The following SPMIP1 variants were observed in gnomAD, a reference collection of about 807,000 sequenced individuals.
SPMIP1 encodes protein SPMIP1.
chr7:128,870,523 C>CCT, the SPMIP1 span: 50,647 of 152,066 alleles, frequency 0.33, 11,032 homozygotes, highest in African/African-American at 0.61. Context: ...TGAGGGTCCT[C>CCT]CTCTCAGACT....
the SPMIP1 span, among the ~76,000 whole-genome samples, chr7:128,868,335 C>T: frequency 3.9e-5 from 6 of 152,194 alleles, no homozygotes; most frequent in African/African-American, 1.2e-4. Flanking sequence ...AAGCAGGAGG[C>T]GAGCCCTAGA....
chr7:128,866,489 G>C, the SPMIP1 span: 10 of 1,536,028 alleles, frequency 6.5e-6, no homozygotes, highest in South Asian at 1.1e-4. Flanking sequence ...ATGTTGCGCT[G>C]TGAATGGTAC....
chr7:128,867,817 G>A, the SPMIP1 span, among the ~76,000 whole-genome samples: 4,001 of 152,246 alleles, frequency 0.026, 105 homozygotes, highest in Middle Eastern at 0.037. Context: ...TAATCTGCCT[G>A]TCTCGGCCTC....
the SPMIP1 span, chr7:128,870,086 G>C: frequency 6.6e-6 from 1 of 152,288 alleles, no homozygotes; most frequent in South Asian, 2.1e-4. Context: ...TGCCACCGCC[G>C]GTGCCGACCT....
chr7:128,868,579 C>A, the SPMIP1 span: 1 of 787,266 alleles, frequency 1.3e-6, no homozygotes, highest in Non-Finnish European at 2.0e-6. Context: ...TGACGGATTC[C>A]TAGGGCTGTG....
the SPMIP1 span, chr7:128,866,348 T>G: frequency 4.8e-5 from 65 of 1,350,030 alleles, no homozygotes; most frequent in Non-Finnish European, 5.7e-5. Flanking sequence ...TCAGAAGCAC[T>G]CTGCTTGCTG....
the SPMIP1 span, chr7:128,866,596 T>TCCCCC: frequency 8.1e-7 from 1 of 1,240,146 alleles, no homozygotes; most frequent in Non-Finnish European, 1.1e-6. Flanking sequence ...AGCCCCACTC[T>TCCCCC]CACCCCCACC....
chr7:128,870,432 T>C, the SPMIP1 span: 1 of 152,358 alleles, frequency 6.6e-6, no homozygotes, highest in Non-Finnish European at 1.5e-5. Flanking sequence ...TGTCTTCACC[T>C]TCTGACTCTG....
At chr7:128,870,141 T>C in the SPMIP1 span, 8 of 152,250 alleles carry the variant, frequency 5.3e-5, no homozygotes, top group Non-Finnish European at 8.8e-5. Context: ...GTGGTAGTCC[T>C]TCTCCGGAGG....
the SPMIP1 span, among the ~76,000 whole-genome samples, chr7:128,867,560 T>C: frequency 1.3e-5 from 2 of 152,024 alleles, no homozygotes; most frequent in Admixed American, 1.3e-4. Flanking sequence ...GTCATTGGAA[T>C]ATAGGTGCTT....
At chr7:128,868,738 C>T in the SPMIP1 span, 1 of 1,535,762 alleles carries the variant, frequency 6.5e-7, no homozygotes, top group Non-Finnish European at 8.7e-7. Context: ...AAGAACGGGG[C>T]CTTCGCACTG....
chr7:128,868,985 A>T, the SPMIP1 span: 7 of 497,708 alleles, frequency 1.4e-5, no homozygotes, highest in Non-Finnish European at 2.2e-5. Flanking sequence ...CTCAGCAATG[A>T]CCAGAGGGTG....
chr7:128,867,507 A>ATAAG, the SPMIP1 span, among the ~76,000 whole-genome samples: 10 of 152,024 alleles, frequency 6.6e-5, no homozygotes, highest in African/African-American at 2.2e-4. Flanking sequence ...GGCTGTGTCT[A>ATAAG]TAAGTCTGGA....
chr7:128,869,729 C>G, the SPMIP1 span: 1 of 152,302 alleles, frequency 6.6e-6, no homozygotes, highest in East Asian at 1.9e-4. Context: ...CGCGCTTAAG[C>G]CCGCAGGCGC....
the SPMIP1 span, chr7:128,868,676 G>A: frequency 3.3e-6 from 5 of 1,534,650 alleles, no homozygotes; most frequent in South Asian, 3.6e-5. Context: ...GCCCCCCAGT[G>A]AAGCAAGAAC....
the SPMIP1 span, chr7:128,866,921 A>G: frequency 1.6e-6 from 2 of 1,265,726 alleles, no homozygotes; most frequent in Non-Finnish European, 1.1e-6. Context: ...CAGACTATAA[A>G]CAGAGCAAGG....
chr7:128,866,344 G>A, the SPMIP1 span: 4 of 1,310,744 alleles, frequency 3.1e-6, no homozygotes, highest in Non-Finnish European at 3.1e-6. Context: ...GCCGTCAGAA[G>A]CACTCTGCTT....
the SPMIP1 span, chr7:128,868,862 T>G: frequency 1.2e-6 from 1 of 834,782 alleles, no homozygotes. Context: ...TCTGTGCCCC[T>G]CTGCTCTCCC....
At chr7:128,868,966 C>G in the SPMIP1 span, 8 of 540,578 alleles carry the variant, frequency 1.5e-5, no homozygotes, top group African/African-American at 1.1e-4. Flanking sequence ...TTAATCATCC[C>G]TTTGAGGACT....
Sources: allele counts gnomAD v4.1 joint callset (sites outside exome capture counted in the v4.1 genomes callset), GRCh38; gene constraint gnomAD v4.1.1; transcripts MANE v1.5; gene names NCBI Gene and HGNC (gene_info 2026-07-23, HGNC 2026-07-21).